NCOR1: variants seen among roughly 807,000 people sequenced by gnomAD.
NCOR1 encodes nuclear receptor corepressor 1.
In NCOR1, 63 loss-of-function variants were observed where a neutral mutation model predicts 288.1. That is an observed-to-expected ratio of 0.22 (90% CI 0.18 to 0.27). NCOR1 has a LOEUF of 0.27. NCOR1 is among the 10% of genes least tolerant of loss of function. The pLI is 1.00. For synonymous variants in NCOR1, 1,007 were observed against 1,065.9 expected (o/e 0.94, Z 1.08); for missense variants, 2,397 against 3,019.2 (o/e 0.79, Z 4.83).
chr17:16,199,208 A>ACACACACACACACACAC (rs1568639295), intron 1 of NCOR1, among the ~76,000 whole-genome samples: 4 of 109,256 alleles, frequency 3.7e-5, no homozygotes, highest in African/African-American at 1.5e-4. Flanking sequence ...CAGAAGGAAA[A>ACACACACACACACACAC]AAAAAAAAAC....
chr17:16,145,846 G>A (rs1010167519), intron 10 of NCOR1, among the ~76,000 whole-genome samples: 3 of 152,268 alleles, frequency 2.0e-5, no homozygotes, highest in Admixed American at 1.3e-4. Flanking sequence ...CGGTTTTGTC[G>A]ACTAGAGAGG....
intron 1 of NCOR1, among the ~76,000 whole-genome samples, chr17:16,205,710 G>A (rs1191775092): frequency 6.6e-6 from 1 of 151,792 alleles, no homozygotes; most frequent in Non-Finnish European, 1.5e-5. Context: ...GGCCAAGGTG[G>A]GTGGATCACC....
Position 16,067,371 on chromosome 17 carries a change from A to G in NCOR1, c.4741+523T>C, listed in dbSNP as rs73981434. 7.2e-3 allele frequency among the ~76,000 whole-genome samples: 1,101 copies of G among 152,336 alleles called. 13 individuals carry two copies. Among genetic ancestry groups the G allele is most frequent in the African/African-American group, 0.025 (1,060 of 41,574 alleles). ...GATACAGAAGTTGAATCAGGTGCGG[A>G]CTAGACAACTTCAAAGGCTGGAAAA... On this transcript the variant is annotated intron_variant, in intron 32 of 45. Coordinates refer to ENST00000268712, the MANE Select transcript of NCOR1 (RefSeq NM_006311.4).
intron 32 of NCOR1, 105 bp from the exon 33 acceptor site, chr17:16,065,799 T>C: frequency 1.0e-6 from 1 of 987,534 alleles, no homozygotes; most frequent in South Asian, 1.4e-5. Context: ...GCTGAGCTAG[T>C]GCACATGGAA....
intron 21 of NCOR1, among the ~76,000 whole-genome samples, chr17:16,092,677 ATATATATATATATATATATTT>A (rs1567958696): frequency 1.7e-4 from 3 of 17,744 alleles, no homozygotes; most frequent in African/African-American, 9.2e-4. Flanking sequence ...ATATATATAT[ATATATATATATATATATATTT>A]TTTTTTTTTT....
intron 18 of NCOR1, among the ~76,000 whole-genome samples, chr17:16,115,070 A>G (rs1281848410): frequency 6.6e-6 from 1 of 152,110 alleles, no homozygotes; most frequent in Admixed American, 6.5e-5. Context: ...CCAAACCTCA[A>G]TTCTTGACTT....
At chr17:16,116,890 G>A (rs565063325) in intron 18 of NCOR1, among the ~76,000 whole-genome samples, 7 of 152,150 alleles carry the variant, frequency 4.6e-5, no homozygotes, top group South Asian at 4.1e-4. Context: ...TACTAGCACC[G>A]TTTGGTTCCC....
intron 22 of NCOR1, among the ~76,000 whole-genome samples, 168 bp from the exon 23 acceptor site, chr17:16,086,610 C>A (rs2064269841): frequency 6.6e-6 from 1 of 152,150 alleles, no homozygotes; most frequent in Admixed American, 6.5e-5. Flanking sequence ...AGCCTGTATA[C>A]ATATTTGTCA....
intron 1 of NCOR1, among the ~76,000 whole-genome samples, chr17:16,201,760 ACACT>A (rs981691906): frequency 7.2e-5 from 11 of 152,064 alleles, no homozygotes; most frequent in Admixed American, 5.9e-4. Context: ...GAACTGAACA[ACACT>A]CACTCACTCA....
At chr17:16,152,034 T>G in intron 7 of NCOR1, 36 bp from the exon 8 acceptor site, 1 of 1,386,580 alleles carries the variant, frequency 7.2e-7, no homozygotes, top group Non-Finnish European at 1.0e-6. Flanking sequence ...TATAAAATGT[T>G]GTACATATGT....
intron 8 of NCOR1, among the ~76,000 whole-genome samples, chr17:16,149,944 C>T (rs533908929): frequency 6.6e-6 from 1 of 152,152 alleles, no homozygotes; most frequent in South Asian, 2.1e-4. Context: ...AAATGTATAC[C>T]AACATATGTA....
rs191711737 is a variant in NCOR1 at position 16,090,534 on chromosome 17, T to A, written c.3016+1329A>T. On this transcript the variant is annotated intron_variant, in intron 22 of 45. Transcript: ENST00000268712. Reference sequence around the variant, plus strand: ...CTTTAAGGTGTAATTACTGAGTACATGTTGTGTCAATTACAGAACTAGCGA... The same window carrying A: ...CTTTAAGGTGTAATTACTGAGTACAAGTTGTGTCAATTACAGAACTAGCGA... Among the ~76,000 whole-genome samples the A allele has an allele frequency of 8.5e-5, 13 of 152,304 alleles. No individual in the cohort carries two copies. The East Asian group carries it at 2.5e-3, about 29-fold the overall frequency.
At chr17:16,214,244 T>C (rs1460869217) in intron 1 of NCOR1, among the ~76,000 whole-genome samples, 1 of 152,210 alleles carries the variant, frequency 6.6e-6, no homozygotes, top group Non-Finnish European at 1.5e-5. Context: ...TTTAAAAAGC[T>C]ATTAAAAATT....
At chr17:16,108,050 T>G (rs1457861987) in intron 19 of NCOR1, among the ~76,000 whole-genome samples, 4 of 151,614 alleles carry the variant, frequency 2.6e-5, no homozygotes, top group Non-Finnish European at 4.4e-5. Flanking sequence ...CAAAAGTAAT[T>G]GAAAAGGAAA....
intron 21 of NCOR1, 107 bp from the exon 22 acceptor site, chr17:16,092,165 T>C: frequency 3.1e-6 from 4 of 1,289,072 alleles, no homozygotes; most frequent in Non-Finnish European, 4.3e-6. Context: ...GTTGAATTGA[T>C]TTTATCATTT....
At position 16,061,609 on chromosome 17, in the gene NCOR1, C is replaced by G; in HGVS notation, c.5673G>C (p.Lys1891Asn). 6.2e-7 allele frequency: 1 copy of G among 1,614,214 alleles called. No individual in the cohort carries two copies. The highest frequency in any genetic ancestry group is 8.5e-7 in the Non-Finnish European group (1 of 1,180,038). Residue 1891 changes from lysine to asparagine, a missense_variant, in exon 37 of 46, where the codon AAG becomes AAC. This residue lies in a region of NCOR1 where 1,872 missense variants were observed against 2,187.8 expected (regional missense o/e 0.86). Transcript: ENST00000268712. ...AAACTACTGAAGAATGAGGCTGGGG[C>G]TTGCCACTTGGAAAGGCTGAAGAAG... ...LYTSSAFPSG[K>N]PQPHSSVVYS...
chr17:16,140,835 A>T (rs1356456706), intron 11 of NCOR1, among the ~76,000 whole-genome samples: 2 of 151,652 alleles, frequency 1.3e-5, no homozygotes, highest in Admixed American at 1.3e-4. Flanking sequence ...CAAACAAACA[A>T]ACAAAAAGTT....
chr17:16,042,506 C>A (rs2057911605), intron 42 of NCOR1, among the ~76,000 whole-genome samples: 1 of 152,224 alleles, frequency 6.6e-6, no homozygotes, highest in South Asian at 2.1e-4. Flanking sequence ...AAATTAGAAT[C>A]ACCTGGGTAG....
intron 42 of NCOR1, 173 bp downstream of exon 42, chr17:16,046,778 A>C: frequency 1.5e-6 from 1 of 682,238 alleles, no homozygotes; most frequent in Admixed American, 3.5e-5. Flanking sequence ...CTGCCTCCTA[A>C]TTAGAACTCT....
Sources: gnomAD v4.1 joint callset for allele counts (sites outside exome capture counted in the v4.1 genomes callset) on GRCh38, gnomAD v4.1.1 for gene constraint, gnomAD v4.1.1 regional missense constraint, MANE v1.5 for transcripts, NCBI Gene and HGNC (gene_info 2026-07-23, HGNC 2026-07-21) for gene names.